JAKMIP3: variants seen among roughly 807,000 people sequenced by gnomAD.
JAKMIP3 encodes janus kinase and microtubule-interacting protein 3.
A neutral mutation model predicts 118.5 loss-of-function variants in JAKMIP3; 58 were observed. The observed-to-expected ratio is 0.49, with a 90% CI of 0.40 to 0.61. The LOEUF is 0.61. Ranked by LOEUF, JAKMIP3 falls within the 20% of genes least tolerant of loss-of-function variation. JAKMIP3 has a pLI of 0.00. For missense variants in JAKMIP3, 950 were observed against 1,109.0 expected, an observed-to-expected ratio of 0.86 and a Z score of 2.04; for synonymous variants, 486 against 451.2, an observed-to-expected ratio of 1.08 and a Z score of -0.98.
chr10:132,040,577 T>C (rs931718826), intron 1 of JAKMIP3, among the ~76,000 whole-genome samples: 10 of 152,164 alleles, frequency 6.6e-5, no homozygotes, highest in Non-Finnish European at 8.8e-5. Flanking sequence ...TTTAATCAGT[T>C]CCTTATAAAG....
intron 1 of JAKMIP3, among the ~76,000 whole-genome samples, chr10:132,054,853 A>G (rs2133823599): frequency 6.6e-6 from 1 of 152,150 alleles, no homozygotes; most frequent in South Asian, 2.1e-4. Context: ...AGGCCTGGGG[A>G]TGGGGAGAGT....
At chr10:132,084,707 G>C (rs1431196232) in intron 1 of JAKMIP3, among the ~76,000 whole-genome samples, 1 of 152,108 alleles carries the variant, frequency 6.6e-6, no homozygotes, top group Non-Finnish European at 1.5e-5. Flanking sequence ...GTTGGCTATG[G>C]GTTTGTCATA....
At chr10:132,156,868 T>C (rs2057159555) in intron 19 of JAKMIP3, among the ~76,000 whole-genome samples, 1 of 152,204 alleles carries the variant, frequency 6.6e-6, no homozygotes, top group Non-Finnish European at 1.5e-5. Flanking sequence ...TTTCTTTTTT[T>C]AATATTGCAT....
At chr10:132,107,085 G>C (rs1215507210) in intron 2 of JAKMIP3, among the ~76,000 whole-genome samples, 1 of 150,452 alleles carries the variant, frequency 6.6e-6, no homozygotes, top group Non-Finnish European at 1.5e-5. Flanking sequence ...TGTAGAGACT[G>C]GGTCTCGCCA....
intron 23 of JAKMIP3, among the ~76,000 whole-genome samples, chr10:132,171,065 A>T (rs1010886660): frequency 6.6e-6 from 1 of 152,216 alleles, no homozygotes; most frequent in Admixed American, 6.5e-5. Context: ...ACCAGAAGCA[A>T]TGCCTTCTTG....
intron 23 of JAKMIP3, among the ~76,000 whole-genome samples, chr10:132,176,177 G>T (rs1047751520): frequency 6.6e-6 from 1 of 152,228 alleles, no homozygotes; most frequent in African/African-American, 2.4e-5. Flanking sequence ...GGCTCCAGCC[G>T]CAAGAGGGAA....
chr10:132,146,994 T>C (rs1332161917), intron 13 of JAKMIP3, among the ~76,000 whole-genome samples: 3 of 152,230 alleles, frequency 2.0e-5, no homozygotes, highest in African/African-American at 7.2e-5. Flanking sequence ...GCATGTACAC[T>C]TGAAGACATG....
chr10:132,168,611 T>C lies in JAKMIP3; in HGVS notation c.*681T>C. The C allele has an allele frequency of 2.8e-6, 1 of 353,702 alleles. No homozygotes were observed. Among genetic ancestry groups the C allele is most frequent in the South Asian group, 2.1e-5 (1 of 47,152 alleles). The allele number at this position is 353,702 out of a possible 1,614,324, so 21.9% of individuals were successfully genotyped here. On this transcript the variant is annotated 3_prime_UTR_variant, in exon 23 of 24. Coordinates refer to ENST00000684848, the MANE Select transcript of JAKMIP3 (RefSeq NM_001323087.2). ...AGAGCCGTGGCCGCCGCGGGCCGCG[T>C]GGTGCCATCAACCCTCTGCCTCCCT...
rs28469171 is a variant in JAKMIP3 at position 132,180,660 on chromosome 10, T to C, written c.*1104-1697T>C. Among the ~76,000 whole-genome samples, 38 of 33,564 alleles carry C rather than the reference T, an allele frequency of 1.1e-3. 12 individuals are homozygous for C. The highest frequency in any genetic ancestry group is 5.2e-3 in the East Asian group (6 of 1,154). 22.0% of individuals were successfully genotyped at this position (33,564 alleles called of 152,430 possible). On this transcript the variant is annotated intron_variant, in intron 23 of 23. Transcript: ENST00000684848. Reference sequence around the variant, plus strand: ...GTGCGTGTGTGCGTGTGCGTGTGCGTGTGTGCGTGTGTGTGCGCGCGCGTG... The same window carrying C: ...GTGCGTGTGTGCGTGTGCGTGTGCGCGTGTGCGTGTGTGTGCGCGCGCGTG...
intron 23 of JAKMIP3, among the ~76,000 whole-genome samples, chr10:132,169,514 C>A (rs1416122462): frequency 5.3e-5 from 8 of 152,148 alleles, no homozygotes; most frequent in Admixed American, 5.2e-4. Flanking sequence ...CATGCTCCAC[C>A]GTGGAGCTTT....
intron 5 of JAKMIP3, 101 bp from the exon 6 acceptor site, chr10:132,135,828 GC>G: frequency 7.9e-7 from 1 of 1,271,676 alleles, no homozygotes; most frequent in Non-Finnish European, 1.1e-6. Context: ...GCTGGGGACT[GC>G]GTTGTTGCAG....
At chr10:132,176,437 TGCA>T (rs1475535669) in intron 23 of JAKMIP3, among the ~76,000 whole-genome samples, 1 of 152,196 alleles carries the variant, frequency 6.6e-6, no homozygotes, top group Non-Finnish European at 1.5e-5. Flanking sequence ...GCTGCTGGTC[TGCA>T]GCAGCTGCTT....
At chr10:132,063,257 C>T (rs559478846), upstream of JAKMIP3, among the ~76,000 whole-genome samples, 18 of 152,252 alleles carry the variant, frequency 1.2e-4, no homozygotes, top group Non-Finnish European at 2.1e-4. Context: ...CACTGGAGGT[C>T]GTGGTTTTCC....
intron 1 of JAKMIP3, among the ~76,000 whole-genome samples, chr10:132,059,028 C>T (rs767922584): frequency 1.3e-5 from 2 of 152,328 alleles, no homozygotes; most frequent in East Asian, 1.9e-4. Context: ...TGGTTGGAGC[C>T]GTCGGATGCC....
intron 2 of JAKMIP3, among the ~76,000 whole-genome samples, chr10:132,108,162 G>A (rs2046213554): frequency 1.3e-5 from 2 of 152,190 alleles, no homozygotes; most frequent in Non-Finnish European, 2.9e-5. Flanking sequence ...TCTCTGCCAG[G>A]GGGTTCTTTC....
intron 9 of JAKMIP3, among the ~76,000 whole-genome samples, chr10:132,139,119 C>T (rs370117701): frequency 9.8e-6 from 1 of 101,614 alleles, no homozygotes; most frequent in Non-Finnish European, 2.1e-5. Flanking sequence ...TGTGTGTATG[C>T]ATCTGTGTGT....
intron 19 of JAKMIP3, among the ~76,000 whole-genome samples, chr10:132,159,741 A>G (rs370354131): frequency 7.4e-3 from 183 of 24,750 alleles, no homozygotes; most frequent in African/African-American, 9.6e-3. Context: ...CCTGTGTGAT[A>G]CTGGGGGGGC....
At chr10:132,043,970 C>T (rs2037834624) in intron 1 of JAKMIP3, among the ~76,000 whole-genome samples, 1 of 152,248 alleles carries the variant, frequency 6.6e-6, no homozygotes, top group Admixed American at 6.5e-5. Context: ...GCTGGGCCTG[C>T]GTTTGATCCC....
At chr10:132,120,599 CAA>C (rs1225793950) in intron 3 of JAKMIP3, among the ~76,000 whole-genome samples, 1 of 152,250 alleles carries the variant, frequency 6.6e-6, no homozygotes, top group Non-Finnish European at 1.5e-5. Context: ...GCCCATATCA[CAA>C]GAGGTGCCCT....
Sources: gnomAD v4.1 joint callset for allele counts (sites outside exome capture counted in the v4.1 genomes callset) on GRCh38, gnomAD v4.1.1 for gene constraint, MANE v1.5 for transcripts, NCBI Gene and HGNC (gene_info 2026-07-23, HGNC 2026-07-21) for gene names.